DPF3: variants seen among roughly 807,000 people sequenced by gnomAD.
DPF3 encodes zinc finger protein DPF3.
Under a neutral mutation model 56.8 loss-of-function variants are expected in DPF3, and 18 were observed. The ratio of observed to expected loss-of-function variants is 0.32; its 90% confidence interval spans 0.22 to 0.47. The LOEUF is 0.47. Ranked by LOEUF, DPF3 falls within the 20% of genes least tolerant of loss-of-function variation. The pLI, the probability that DPF3 is intolerant of heterozygous loss-of-function variation, is 1.00. For synonymous variants in DPF3, 188 were observed against 180.2 expected (o/e 1.04, Z -0.35); for missense variants, 403 against 488.8 (o/e 0.82, Z 1.65).
At chr14:72,877,021 A>T (rs1035473933) in intron 1 of DPF3, among the ~76,000 whole-genome samples, 2 of 152,188 alleles carry the variant, frequency 1.3e-5, no homozygotes, top group African/African-American at 4.8e-5. Flanking sequence ...GTGCCCCTTC[A>T]GTGCTTTTTG....
At chr14:72,723,514 A>G in intron 5 of DPF3, 119 bp downstream of exon 5, 2 of 877,040 alleles carry the variant, frequency 2.3e-6, no homozygotes, top group South Asian at 1.9e-5. Context: ...TTCTCCTTTG[A>G]GCGTTCTCCA....
intron 8 of DPF3, among the ~76,000 whole-genome samples, chr14:72,664,372 A>C (rs1023634754): frequency 2.0e-5 from 3 of 151,934 alleles, no homozygotes; most frequent in African/African-American, 7.3e-5. Flanking sequence ...TGCCCCACTA[A>C]AGCCACCTAG....
intron 2 of DPF3, among the ~76,000 whole-genome samples, chr14:72,757,065 G>T (rs1890869263): frequency 8.5e-6 from 1 of 117,508 alleles, no homozygotes; most frequent in Non-Finnish European, 1.7e-5. Flanking sequence ...GAGAAAGGGG[G>T]AGAGGAAGGA....
intron 9 of DPF3, among the ~76,000 whole-genome samples, chr14:72,620,909 G>T (rs1884394019): frequency 6.6e-6 from 1 of 152,230 alleles, no homozygotes; most frequent in South Asian, 2.1e-4. Flanking sequence ...GGGAGGCCAA[G>T]GCGCGTGGTT....
chr14:72,821,025 T>C (rs1034531401), intron 1 of DPF3, among the ~76,000 whole-genome samples: 3 of 151,786 alleles, frequency 2.0e-5, no homozygotes, highest in Non-Finnish European at 2.9e-5. Context: ...TCCCAGCTGC[T>C]TGGGAGGCTG....
chr14:72,706,998 C>T (rs1888433247), intron 6 of DPF3, among the ~76,000 whole-genome samples: 1 of 152,102 alleles, frequency 6.6e-6, no homozygotes, highest in Non-Finnish European at 1.5e-5. Flanking sequence ...CACAACAGTC[C>T]CCAGAATGTG....
At chr14:72,669,334 T>C (rs771614141) in intron 8 of DPF3, among the ~76,000 whole-genome samples, 3 of 152,190 alleles carry the variant, frequency 2.0e-5, no homozygotes, top group Admixed American at 6.5e-5. Context: ...TCCCAACCCA[T>C]GTCAAATGGT....
At chr14:72,781,953 A>G (rs72730336) in intron 1 of DPF3, among the ~76,000 whole-genome samples, 42,150 of 152,048 alleles carry the variant, frequency 0.28, 6,138 homozygotes, top group Middle Eastern at 0.36. Flanking sequence ...GATTGAGAAA[A>G]TATTTTTAGT....
rs1459078049 is a variant in DPF3, at chr14:72,617,960, G to T, written c.*1337C>A. Among the ~76,000 whole-genome samples, 1 of 151,954 alleles carries T rather than the reference G, an allele frequency of 6.6e-6. No homozygotes were observed. The highest frequency in any genetic ancestry group is 2.4e-5 in the African/African-American group (1 of 41,396). On this transcript the variant is annotated 3_prime_UTR_variant, in exon 11 of 11. Coordinates refer to ENST00000556509, the MANE Select transcript of DPF3 (RefSeq NM_001280542.3). ...ATGTCAGTTATTGTGCTGCTGCTGC[G>T]ATTCAAAGTCAGCCCAATCCGCTCC...
At chr14:72,890,472 C>T (rs1886705326) in intron 1 of DPF3, among the ~76,000 whole-genome samples, 1 of 134,260 alleles carries the variant, frequency 7.4e-6, no homozygotes, top group South Asian at 2.4e-4. Context: ...GCCTGGGCAA[C>T]AGAGCAACAC....
intron 7 of DPF3, among the ~76,000 whole-genome samples, chr14:72,680,101 AG>A (rs1486536105): frequency 6.6e-6 from 1 of 152,140 alleles, no homozygotes; most frequent in Non-Finnish European, 1.5e-5. Context: ...GAGCCAGGAG[AG>A]GGTTAAAAGT....
intron 1 of DPF3, among the ~76,000 whole-genome samples, chr14:72,827,007 A>G (rs1018403419): frequency 1.4e-4 from 21 of 149,548 alleles, no homozygotes; most frequent in Non-Finnish European, 2.7e-4. Context: ...GTGCCACTGC[A>G]CTCCAGCCTG....
chr14:72,661,800 AG>A (rs1886223241), intron 8 of DPF3: 1 of 982,708 alleles, frequency 1.0e-6, no homozygotes, highest in African/African-American at 1.8e-5. Context: ...CATCTCTTCT[AG>A]GAGTTGTTAG....
chr14:72,840,097 G>A (rs988325408), intron 1 of DPF3, among the ~76,000 whole-genome samples: 5 of 152,186 alleles, frequency 3.3e-5, no homozygotes, highest in Admixed American at 6.5e-5. Context: ...CAGTACATAC[G>A]CACAGCAGAG....
At chr14:72,868,593 G>A (rs1025250206) in intron 1 of DPF3, among the ~76,000 whole-genome samples, 2 of 152,166 alleles carry the variant, frequency 1.3e-5, no homozygotes, top group Admixed American at 6.5e-5. Flanking sequence ...GTAGTCCTCA[G>A]AGGACACCTT....
intron 5 of DPF3, among the ~76,000 whole-genome samples, chr14:72,720,389 G>A (rs1400795084): frequency 6.6e-6 from 1 of 152,216 alleles, no homozygotes; most frequent in Non-Finnish European, 1.5e-5. Flanking sequence ...GGCTGTGAGT[G>A]CAGCAGCTTC....
chr14:72,732,882 T>C (rs1889725765), intron 3 of DPF3, among the ~76,000 whole-genome samples: 1 of 151,984 alleles, frequency 6.6e-6, no homozygotes, highest in South Asian at 2.1e-4. Flanking sequence ...TCTCTCTTTC[T>C]TTCTTTCTCT....
intron 1 of DPF3, among the ~76,000 whole-genome samples, chr14:72,777,107 C>T (rs576974647): frequency 6.6e-6 from 1 of 152,284 alleles, no homozygotes; most frequent in South Asian, 2.1e-4. Context: ...AAGCCCTGGC[C>T]TGTGGCAGGA....
chr14:72,881,055 A>G (rs1886302877), intron 1 of DPF3, among the ~76,000 whole-genome samples: 1 of 152,248 alleles, frequency 6.6e-6, no homozygotes, highest in Non-Finnish European at 1.5e-5. Context: ...CTAAAGACGC[A>G]TAAAGCAGCA....
Sources: gnomAD v4.1 joint callset for allele counts (sites outside exome capture counted in the v4.1 genomes callset) on GRCh38, gnomAD v4.1.1 for gene constraint, MANE v1.5 for transcripts, NCBI Gene and HGNC (gene_info 2026-07-23, HGNC 2026-07-21) for gene names.